The following GNAL variants were observed in gnomAD, a reference collection of about 807,000 sequenced individuals.
The protein encoded by GNAL is guanine nucleotide-binding protein G(olf) subunit alpha.
Under a neutral mutation model 55.1 loss-of-function variants are expected in GNAL, and 18 were observed. That is an observed-to-expected ratio of 0.33 (90% CI 0.23 to 0.48). GNAL has a LOEUF of 0.48. Among genes scored for constraint, GNAL ranks in the 20% least tolerant of loss-of-function variants. The probability of loss-of-function intolerance (pLI) is 0.99; values close to 1 mark genes in which losing one functional copy is unlikely to be tolerated. For synonymous variants in GNAL, 253 were observed against 237.0 expected (o/e 1.07, Z -0.62); for missense variants, 412 against 614.1 (o/e 0.67, Z 3.48).
intron 1 of GNAL, among the ~76,000 whole-genome samples, chr18:11,724,415 T>A (rs1394336398): frequency 6.6e-6 from 1 of 152,222 alleles, no homozygotes; most frequent in Non-Finnish European, 1.5e-5. Flanking sequence ...GCTAAAAGGA[T>A]GTCCCTTCCC....
At chr18:11,720,735 T>G (rs2143401163) in intron 1 of GNAL, among the ~76,000 whole-genome samples, 1 of 152,344 alleles carries the variant, frequency 6.6e-6, no homozygotes, top group East Asian at 1.9e-4. Context: ...TCCTTCGTAC[T>G]TTTGTCAAGT....
At chr18:11,801,271 C>G (rs892944608) in intron 4 of GNAL, among the ~76,000 whole-genome samples, 1 of 152,194 alleles carries the variant, frequency 6.6e-6, no homozygotes, top group Non-Finnish European at 1.5e-5. Flanking sequence ...ACAGTGTGGG[C>G]TGGGCGCAGT....
intron 5 of GNAL, among the ~76,000 whole-genome samples, chr18:11,845,912 C>G (rs1166122219): frequency 6.6e-6 from 1 of 152,102 alleles, no homozygotes; most frequent in Non-Finnish European, 1.5e-5. Context: ...TACAAACTGC[C>G]AGGAAAACGC....
At chr18:11,846,426 CAT>C (rs1203754811) in intron 5 of GNAL, among the ~76,000 whole-genome samples, 1 of 143,340 alleles carries the variant, frequency 7.0e-6, no homozygotes, top group Admixed American at 7.4e-5. Flanking sequence ...TATATAAATA[CAT>C]ATATAAATAT....
At chr18:11,787,250 T>TGGCAA (rs1229196960) in intron 4 of GNAL, among the ~76,000 whole-genome samples, 1 of 152,190 alleles carries the variant, frequency 6.6e-6, no homozygotes, top group Non-Finnish European at 1.5e-5. Flanking sequence ...AGCAAGAACC[T>TGGCAA]GGCAATGGCA....
Position 11,881,201 on chromosome 18 carries a change from G to T in GNAL, c.*66G>T. Reference sequence around the variant, plus strand: ...TGCCTGACTGCCAGCCCCATGCCATGGTAGGAGGCAGAGTCTCTAGTTCCA... The same window carrying T: ...TGCCTGACTGCCAGCCCCATGCCATTGTAGGAGGCAGAGTCTCTAGTTCCA... On this transcript the variant is annotated 3_prime_UTR_variant, in exon 12 of 12. Coordinates refer to ENST00000334049, the MANE Select transcript of GNAL (RefSeq NM_182978.4). This position sits in a 1 kb window ranked among gnomAD's most constrained non-coding sequence, Gnocchi z 4.8. The T allele has an allele frequency of 1.4e-6, 2 of 1,474,034 alleles. No individual in the cohort carries two copies. Among genetic ancestry groups the T allele is most frequent in the Non-Finnish European group, 1.8e-6 (2 of 1,086,728 alleles). The allele number at this position is 1,474,034 out of a possible 1,614,324, so 91.3% of individuals were successfully genotyped here. A position where few individuals can be genotyped will look rare whatever the true frequency, so the allele number is the denominator to read the frequency against.
intron 4 of GNAL, among the ~76,000 whole-genome samples, chr18:11,793,660 T>C (rs1321870189): frequency 6.8e-6 from 1 of 147,478 alleles, no homozygotes; most frequent in Non-Finnish European, 1.5e-5. Context: ...GCGCAGTGGC[T>C]CACGCCTGTA....
chr18:11,759,406 C>A (rs932870533), intron 4 of GNAL, among the ~76,000 whole-genome samples: 1 of 152,238 alleles, frequency 6.6e-6, no homozygotes, highest in Non-Finnish European at 1.5e-5. Context: ...AACAGAAAAG[C>A]AGTCTGATCT....
intron 5 of GNAL, among the ~76,000 whole-genome samples, chr18:11,849,452 A>G (rs976018944): frequency 4.6e-5 from 7 of 151,656 alleles, no homozygotes; most frequent in Non-Finnish European, 8.8e-5. Context: ...CAGTGAGCCA[A>G]GATCACACTA....
intron 4 of GNAL, among the ~76,000 whole-genome samples, chr18:11,769,003 A>ATTATATATT (rs2033525209): frequency 2.0e-4 from 20 of 101,424 alleles, no homozygotes; most frequent in Non-Finnish European, 2.7e-4. Flanking sequence ...TATAATATAG[A>ATTATATATT]ATATATATAT....
At chr18:11,827,452 A>G (rs1241519602) in intron 5 of GNAL, among the ~76,000 whole-genome samples, 4 of 151,752 alleles carry the variant, frequency 2.6e-5, no homozygotes, top group Non-Finnish European at 5.9e-5. Context: ...CATCTCTACT[A>G]AAAATACAAA....
intron 4 of GNAL, among the ~76,000 whole-genome samples, chr18:11,770,361 A>C (rs1351020318): frequency 6.6e-6 from 1 of 152,198 alleles, no homozygotes; most frequent in Non-Finnish European, 1.5e-5. Context: ...ATATTTTCAT[A>C]GCAAAACCTT....
chr18:11,757,689 A>G (rs1410654824), intron 4 of GNAL, among the ~76,000 whole-genome samples: 2 of 152,046 alleles, frequency 1.3e-5, no homozygotes, highest in Non-Finnish European at 2.9e-5. Context: ...AGGTATGAGG[A>G]GGTTTTGTTT....
chr18:11,813,718 A>G (rs1315798457), intron 4 of GNAL, among the ~76,000 whole-genome samples: 3 of 152,112 alleles, frequency 2.0e-5, no homozygotes, highest in Non-Finnish European at 4.4e-5. Context: ...CATATGGTCC[A>G]TTTTAAGAGA....
intron 5 of GNAL, among the ~76,000 whole-genome samples, chr18:11,839,061 AC>A (rs1312649899): frequency 3.3e-5 from 5 of 152,350 alleles, no homozygotes; most frequent in Middle Eastern, 6.8e-3. Flanking sequence ...ACTAAATCTA[AC>A]CAAATTTTGT....
intron 4 of GNAL, among the ~76,000 whole-genome samples, chr18:11,792,310 C>T (rs1464406931): frequency 1.3e-5 from 2 of 152,068 alleles, no homozygotes; most frequent in South Asian, 2.1e-4. Flanking sequence ...CTCAGCCTCC[C>T]GAGTAGCTGG....
intron 11 of GNAL, among the ~76,000 whole-genome samples, chr18:11,878,574 T>C (rs1314115225): frequency 6.6e-6 from 1 of 152,122 alleles, no homozygotes; most frequent in African/African-American, 2.4e-5. Flanking sequence ...CTTTTTTAGT[T>C]TGTTTATTTG....
chr18:11,789,759 A>G (rs2034176811), intron 4 of GNAL, among the ~76,000 whole-genome samples: 1 of 152,222 alleles, frequency 6.6e-6, no homozygotes, highest in South Asian at 2.1e-4. Flanking sequence ...CTTACATGCC[A>G]TTGATACATA....
At chr18:11,759,227 C>T (rs1223905743) in intron 4 of GNAL, among the ~76,000 whole-genome samples, 1 of 152,066 alleles carries the variant, frequency 6.6e-6, no homozygotes, top group Admixed American at 6.6e-5. Context: ...GTGGTTGCCT[C>T]CTCCAAAAAT....
Sources: allele counts gnomAD v4.1 joint callset (sites outside exome capture counted in the v4.1 genomes callset), GRCh38; gene constraint gnomAD v4.1.1; non-coding constraint Gnocchi (gnomAD v3.1); transcripts MANE v1.5; gene names NCBI Gene and HGNC (gene_info 2026-07-23, HGNC 2026-07-21).